The following BTBD8 variants were observed in gnomAD, a reference collection of about 807,000 sequenced individuals.
BTBD8 encodes BTB domain containing 8.
In BTBD8, 110 loss-of-function variants were observed where a neutral mutation model predicts 162.9. The observed-to-expected ratio is 0.68, with a 90% CI of 0.58 to 0.79. BTBD8 has a LOEUF of 0.79. BTBD8 is among the 30% of genes least tolerant of loss of function. The pLI is 0.00. For synonymous variants in BTBD8, 667 were observed against 716.1 expected, an observed-to-expected ratio of 0.93 and a Z score of 1.10; for missense variants, 1,905 against 2,085.4, an observed-to-expected ratio of 0.91 and a Z score of 1.68.
intron 3 of BTBD8, among the ~76,000 whole-genome samples, chr1:92,106,434 G>A (rs538772459): frequency 6.6e-6 from 1 of 152,018 alleles, no homozygotes; most frequent in East Asian, 1.9e-4. Context: ...GCTGAGGCGG[G>A]CAGATCACGA....
At chr1:92,163,520 G>A (rs1229594865) in intron 9 of BTBD8, among the ~76,000 whole-genome samples, 1 of 151,874 alleles carries the variant, frequency 6.6e-6, no homozygotes, top group Non-Finnish European at 1.5e-5. Context: ...AAAATGGATG[G>A]TTTGGGGACA....
At chr1:92,122,550 C>T (rs898750348) in intron 4 of BTBD8, among the ~76,000 whole-genome samples, 1 of 151,202 alleles carries the variant, frequency 6.6e-6, no homozygotes, top group African/African-American at 2.4e-5. Context: ...AGCCACCGCG[C>T]CTGGTCTTTT....
chr1:92,183,770 T>G (rs926944403), intron 17 of BTBD8, 94 bp from the exon 18 acceptor site: 1 of 563,994 alleles, frequency 1.8e-6, no homozygotes, highest in East Asian at 3.3e-5. Flanking sequence ...TTTTTTTTTT[T>G]GACTATCACT....
At chr1:92,094,018 G>A (rs1242603189) in intron 2 of BTBD8, among the ~76,000 whole-genome samples, 1 of 152,216 alleles carries the variant, frequency 6.6e-6, no homozygotes, top group East Asian at 1.9e-4. Context: ...ATGGGAGAGT[G>A]GAGGAAGCAC....
intron 4 of BTBD8, among the ~76,000 whole-genome samples, chr1:92,120,202 T>C (rs1022282082): frequency 2.0e-5 from 3 of 152,142 alleles, no homozygotes; most frequent in Non-Finnish European, 2.9e-5. Context: ...TATACGCTTT[T>C]TTCTGTTAAA....
At chr1:92,163,179 C>G (rs1650305791) in intron 9 of BTBD8, among the ~76,000 whole-genome samples, 1 of 151,252 alleles carries the variant, frequency 6.6e-6, no homozygotes, top group Non-Finnish European at 1.5e-5. Flanking sequence ...ACGGTGAAAC[C>G]CCGTCTCTAC....
chr1:92,099,121 C>CT (rs1285366739), intron 2 of BTBD8, among the ~76,000 whole-genome samples: 1 of 152,164 alleles, frequency 6.6e-6, no homozygotes, highest in Non-Finnish European at 1.5e-5. Context: ...TGGATGTTCA[C>CT]TTGTCTCAGC....
At chr1:92,135,801 TTTTA>T (rs1253115818) in intron 5 of BTBD8, among the ~76,000 whole-genome samples, 1 of 152,188 alleles carries the variant, frequency 6.6e-6, no homozygotes, top group Non-Finnish European at 1.5e-5. Context: ...TATGACTTAT[TTTTA>T]TTTAGTCATT....
At position 92,168,901 on chromosome 1, in the gene BTBD8, G is replaced by C; in HGVS notation, c.1479G>C (p.Lys493Asn). 1 of 1,544,716 alleles carries C rather than the reference G, an allele frequency of 6.5e-7. No individual in the cohort carries two copies. The highest frequency in any genetic ancestry group is 8.8e-7 in the Non-Finnish European group (1 of 1,141,658). ...GCAAGATCCAGGCTCTGCGTGATAAGCTGTGGATCTTCCTGGTTCAGTCTT... is the reference window on the plus strand; with the variant it reads ...GCAAGATCCAGGCTCTGCGTGATAACCTGTGGATCTTCCTGGTTCAGTCTT... Reference protein sequence around the residue: ...FTCKIQALRDKLWIFLVQSFY... With the variant: ...FTCKIQALRDNLWIFLVQSFY... Residue 493 changes from lysine (K) to asparagine (N), a missense_variant, in exon 12 of 18, where the codon AAG (lysine) becomes AAC (asparagine). Coordinates refer to ENST00000636805, the MANE Select transcript of BTBD8 (RefSeq NM_001376131.1).
chr1:92,152,251 A>G (rs1238531629), intron 9 of BTBD8, among the ~76,000 whole-genome samples: 1 of 152,190 alleles, frequency 6.6e-6, no homozygotes, highest in East Asian at 1.9e-4. Context: ...ACAGCTAAGT[A>G]AAATACAGGT....
intron 3 of BTBD8, among the ~76,000 whole-genome samples, chr1:92,104,308 C>G (rs1465202763): frequency 1.3e-5 from 2 of 152,178 alleles, no homozygotes; most frequent in African/African-American, 4.8e-5. Flanking sequence ...TGTTATATTA[C>G]AGTCAACATA....
intron 7 of BTBD8, among the ~76,000 whole-genome samples, chr1:92,146,503 T>G (rs2100636046): frequency 6.6e-6 from 1 of 152,350 alleles, no homozygotes; most frequent in Non-Finnish European, 1.5e-5. Flanking sequence ...GCTGTTGGTG[T>G]TGTACATTTT....
Position 92,181,317 on chromosome 1 carries a change from C to T in BTBD8, c.3634C>T (p.Pro1212Ser). 6.4e-7 allele frequency: 1 copy of T among 1,551,388 alleles called. No homozygotes were observed. The highest frequency in any genetic ancestry group is 8.7e-7 in the Non-Finnish European group (1 of 1,146,916). Reference protein sequence around the residue: ...FSGQLSEKNSPKNMETSESPE... With the variant: ...FSGQLSEKNSSKNMETSESPE... ...GGGACAGCTATCAGAAAAAAATTCT[C>T]CTAAAAATATGGAAACATCAGAATC... The change falls in exon 17 of 18, where the codon CCT becomes TCT. Residue 1212 changes from proline (P) to serine (S), a missense_variant. This residue lies in a region of BTBD8 where 1,374 missense variants were observed against 1,442.7 expected (regional missense o/e 0.95). Transcript: ENST00000636805.
At chr1:92,102,766 ATT>A in intron 3 of BTBD8, 97 bp downstream of exon 3, 4 of 1,080,928 alleles carry the variant, frequency 3.7e-6, no homozygotes, top group Non-Finnish European at 4.8e-6. Flanking sequence ...TGCTTTACTG[ATT>A]TTTTTTTTAA....
At chr1:92,081,660 A>G (rs977731783) in intron 1 of BTBD8, among the ~76,000 whole-genome samples, 9 of 150,186 alleles carry the variant, frequency 6.0e-5, no homozygotes, top group Middle Eastern at 3.4e-3. Context: ...TGCAACCTCC[A>G]CCTCCCGGGT....
chr1:92,080,480 G>T lies in BTBD8; in HGVS notation c.-92G>T. The T allele has an allele frequency of 1.9e-6, 3 of 1,551,760 alleles. No homozygotes were observed. Among genetic ancestry groups the T allele is most frequent in the South Asian group, 1.2e-5 (1 of 81,816 alleles). On this transcript the variant is annotated 5_prime_UTR_variant, in exon 1 of 18. Coordinates refer to ENST00000636805, the MANE Select transcript of BTBD8 (RefSeq NM_001376131.1). ...TAGGGGGCGGATTTGGGTAGGAGCCGAGCGTTCGGTCGGAAACGCCCCCTT... is the reference window on the plus strand; with the variant it reads ...TAGGGGGCGGATTTGGGTAGGAGCCTAGCGTTCGGTCGGAAACGCCCCCTT...
At chr1:92,172,134 G>A (rs1269288156) in intron 13 of BTBD8, among the ~76,000 whole-genome samples, 1 of 152,020 alleles carries the variant, frequency 6.6e-6, no homozygotes, top group South Asian at 2.1e-4. Flanking sequence ...TATTTTTGGT[G>A]TTTTTGAAAA....
chr1:92,178,410 AGAG>A lies in BTBD8; in HGVS notation c.2543_2545del (p.Arg848del). On this transcript the variant is annotated inframe_deletion, in exon 16 of 18. Transcript: ENST00000636805. ...AGCAATGGATGTACTGCAGCTCAGC[AGAG>A]GACAAAGAGTACCCCATCTAATCTT... 6.4e-7 allele frequency: 1 copy of A among 1,551,446 alleles called. No homozygotes were observed. Among genetic ancestry groups the A allele is most frequent in the South Asian group, 1.2e-5 (1 of 84,006 alleles).
At chr1:92,152,350 C>T (rs1650064692) in intron 9 of BTBD8, among the ~76,000 whole-genome samples, 1 of 152,078 alleles carries the variant, frequency 6.6e-6, no homozygotes, top group Admixed American at 6.5e-5. Context: ...CACATGTTAG[C>T]ACTCAGTATG....
Sources: allele counts gnomAD v4.1 joint callset (sites outside exome capture counted in the v4.1 genomes callset), GRCh38; gene constraint gnomAD v4.1.1; regional missense constraint gnomAD v4.1.1; transcripts MANE v1.5; gene names NCBI Gene and HGNC (gene_info 2026-07-23, HGNC 2026-07-21).